MRPS30: variants seen among roughly 807,000 people sequenced by gnomAD.
The protein encoded by MRPS30 is large ribosomal subunit protein mL65.
Under a neutral mutation model 43.8 loss-of-function variants are expected in MRPS30, and 42 were observed. The observed-to-expected ratio is 0.96, with a 90% CI of 0.75 to 1.24. The LOEUF (loss-of-function observed/expected upper bound fraction) is 1.24. MRPS30 is among the 50% of genes most tolerant of loss of function. MRPS30 has a pLI of 0.00. For missense variants in MRPS30, 638 were observed against 570.0 expected (o/e 1.12, Z -1.22); for synonymous variants, 273 against 228.2 (o/e 1.20, Z -1.77).
intron 1 of MRPS30, 89 bp downstream of exon 1, chr5:44,809,652 TTCTC>T: frequency 7.5e-7 from 1 of 1,336,648 alleles, no homozygotes; most frequent in Non-Finnish European, 1.0e-6. Context: ...CGTCATTTCT[TTCTC>T]TCTGCTTCGT....
chr5:44,811,266 TTCAAGTTTCCTTTTTGAAGACA>T (rs1742836246), intron 2 of MRPS30, 112 bp downstream of exon 2: 1 of 1,288,352 alleles, frequency 7.8e-7, no homozygotes. Flanking sequence ...TCTCTTGCCT[TTCAAGTTTCCTTTTTGAAGACA>T]TCACCTCTCA....
Position 44,809,531 on chromosome 5 carries a change from C to T in MRPS30, c.569C>T (p.Pro190Leu). Residue 190 changes from proline (P) to leucine (L), a missense_variant, in exon 1 of 5, where the codon CCA becomes CTA. Pro to Leu is a moderately conservative substitution (Grantham distance 98). Coordinates refer to ENST00000507110, the MANE Select transcript of MRPS30 (RefSeq NM_016640.4). ...LVSTLVGLLS[P>L]HNPALAAAAL... ...TCAACCCTCGTGGGCCTCCTCAGCC[C>T]ACACAACCCGGCCCTGGCCGCTGCC... The T allele has an allele frequency of 6.2e-7, 1 of 1,609,206 alleles. No individual in the cohort carries two copies. Among genetic ancestry groups the T allele is most frequent in the Non-Finnish European group, 8.5e-7 (1 of 1,177,798 alleles).
intron 4 of MRPS30, among the ~76,000 whole-genome samples, chr5:44,814,673 G>A (rs1162180918): frequency 6.6e-6 from 1 of 152,142 alleles, no homozygotes; most frequent in East Asian, 1.9e-4. Flanking sequence ...GACTGATGTT[G>A]TTGAAAAAGA....
chr5:44,814,003 A>G (rs1178297554), intron 4 of MRPS30, among the ~76,000 whole-genome samples: 1 of 152,192 alleles, frequency 6.6e-6, no homozygotes, highest in East Asian at 1.9e-4. Context: ...GGAGCTGCCT[A>G]TGCACAAATC....
Position 44,809,290 on chromosome 5 carries a change from A to T in MRPS30, c.328A>T (p.Thr110Ser), listed in dbSNP as rs746806510. 1.9e-6 allele frequency: 3 copies of T among 1,613,158 alleles called. No homozygotes were observed. Among genetic ancestry groups the T allele is most frequent in the Non-Finnish European group, 2.5e-6 (3 of 1,179,806 alleles). The change falls in exon 1 of 5, where the codon ACC (threonine) becomes TCC (serine). Residue 110 changes from threonine (T) to serine (S), a missense_variant. Thr to Ser is a moderately conservative substitution (Grantham distance 58). Coordinates refer to ENST00000507110, the MANE Select transcript of MRPS30 (RefSeq NM_016640.4). ...LNADRWYQYF[T>S]KTVFLSGLPP... ...TGCCGACCGCTGGTACCAGTACTTC[A>T]CCAAGACCGTGTTCCTGTCGGGTCT...
rs1158480426 is a variant in MRPS30, at chr5:44,811,921, C to T, written c.754C>T (p.Pro252Ser). The T allele has an allele frequency of 2.6e-6, 4 of 1,535,988 alleles. No individual in the cohort carries two copies. The highest frequency in any genetic ancestry group is 1.4e-5 in the African/African-American group (1 of 71,068). The change falls in exon 3 of 5, where the codon CCA becomes TCA. Residue 252 changes from proline (P) to serine (S), a missense_variant. Physicochemically the swap from Pro to Ser is moderately conservative, Grantham distance 74. Coordinates refer to ENST00000507110, the MANE Select transcript of MRPS30 (RefSeq NM_016640.4). ...TCTTTTCTTTTTCTTTAAGTTTGTG[C>T]CATTGGATTATTCTGTTCCTATAGA... ...RISKQLAEFVPLDYSVPIEIP... is the reference protein window; with the variant it reads ...RISKQLAEFVSLDYSVPIEIP...
intron 2 of MRPS30, among the ~76,000 whole-genome samples, chr5:44,811,594 A>G (rs1364134599): frequency 6.6e-6 from 1 of 152,186 alleles, no homozygotes; most frequent in East Asian, 1.9e-4. Flanking sequence ...TCAGGGGTTG[A>G]CACACTTTTT....
intron 1 of MRPS30, chr5:44,809,930 A>C (rs1022144135): frequency 4.1e-6 from 1 of 241,818 alleles, no homozygotes; most frequent in African/African-American, 2.2e-5. Flanking sequence ...TCCACCACAA[A>C]GCTGTGTGAC....
chr5:44,810,325 T>C (rs1343359113), intron 1 of MRPS30, among the ~76,000 whole-genome samples: 1 of 152,200 alleles, frequency 6.6e-6, no homozygotes, highest in African/African-American at 2.4e-5. Flanking sequence ...CCATTCCAAG[T>C]TCCTAGTAAA....
rs1742903381 is a variant in MRPS30 at position 44,815,336 on chromosome 5, A to G, written c.*134A>G. 2 of 800,930 alleles carry G rather than the reference A, an allele frequency of 2.5e-6. No individual in the cohort carries two copies. The highest frequency in any genetic ancestry group is 3.5e-5 in the African/African-American group (2 of 57,570). 49.6% of individuals were successfully genotyped at this position (800,930 alleles called of 1,614,324 possible). ...ATATTTCTTATGTCAACCTGTTATT[A>G]GATCTCTTACTCTGCTCAAATTCAT... is the stretch of plus-strand genomic sequence containing the variant. On this transcript the variant is annotated 3_prime_UTR_variant, in exon 5 of 5. Coordinates refer to ENST00000507110, the MANE Select transcript of MRPS30 (RefSeq NM_016640.4).
At position 44,809,144 on chromosome 5, in the gene MRPS30, G is replaced by A. The variant is rs1245459596; in HGVS notation, c.182G>A (p.Arg61Gln). Residue 61 changes from arginine (R) to glutamine (Q), a missense_variant, in exon 1 of 5, where the codon CGG becomes CAG. Arg to Gln is a conservative substitution (Grantham distance 43). Transcript: ENST00000507110. ...GCCGACAGCAAAGCTGCACGGCTGC[G>A]GCGGATCGAGCGCTGGCAGGCGACG... ...MTADSKAARL[R>Q]RIERWQATVH... 1 of 1,611,708 alleles carries A rather than the reference G, an allele frequency of 6.2e-7. No individual in the cohort carries two copies. The highest frequency in any genetic ancestry group is 8.5e-7 in the Non-Finnish European group (1 of 1,179,454).
At chr5:44,811,281 T>A in intron 2 of MRPS30, 127 bp downstream of exon 2, 1 of 1,081,800 alleles carries the variant, frequency 9.2e-7, no homozygotes, top group Non-Finnish European at 1.3e-6. Context: ...GTTTCCTTTT[T>A]GAAGACATCA....
At chr5:44,812,979 C>T (rs1742866697) in intron 3 of MRPS30, 127 bp from the exon 4 acceptor site, 2 of 741,748 alleles carry the variant, frequency 2.7e-6, no homozygotes, top group South Asian at 2.0e-5. Flanking sequence ...AATATTCCTA[C>T]TTATGTATTT....
At position 44,814,966 on chromosome 5, in the gene MRPS30, A is replaced by C; in HGVS notation, c.1084A>C (p.Thr362Pro). The C allele has an allele frequency of 6.2e-7, 1 of 1,613,872 alleles. No individual in the cohort carries two copies. The highest frequency in any genetic ancestry group is 8.5e-7 in the Non-Finnish European group (1 of 1,179,822). ...TRPFVSQAVI[T>P]DGKYFSFFCY... ...ACCTTTTGTCTCCCAGGCTGTGATC[A>C]CAGATGGAAAATACTTTTCCTTTTT... is the stretch of plus-strand genomic sequence containing the variant. Residue 362 changes from threonine to proline, a missense_variant, in exon 5 of 5, where the codon ACA (threonine) becomes CCA (proline). Physicochemically the swap from Thr to Pro is conservative, Grantham distance 38 (BLOSUM62 -1). Coordinates refer to ENST00000507110, the MANE Select transcript of MRPS30 (RefSeq NM_016640.4).
chr5:44,813,100 C>G lies in MRPS30; in HGVS notation c.854-6C>G. ...TCATCTGAAATGTTTTTATTTTGCT[C>G]TTCAGGCTCAAAAACTGCAGATCCT... On this transcript the variant is annotated splice_region_variant and splice_polypyrimidine_tract_variant and intron_variant, in intron 3 of 4. Coordinates refer to ENST00000507110, the MANE Select transcript of MRPS30 (RefSeq NM_016640.4). 1 of 1,609,632 alleles carries G rather than the reference C, an allele frequency of 6.2e-7. No homozygotes were observed. The highest frequency in any genetic ancestry group is 1.1e-5 in the South Asian group (1 of 89,760).
At chr5:44,814,169 C>T (rs1487149036) in intron 4 of MRPS30, among the ~76,000 whole-genome samples, 1 of 152,120 alleles carries the variant, frequency 6.6e-6, no homozygotes, top group East Asian at 1.9e-4. Context: ...CTATATCTTC[C>T]AGGACTATTA....
chr5:44,813,881 A>G (rs1454316449), intron 4 of MRPS30, among the ~76,000 whole-genome samples: 1 of 152,188 alleles, frequency 6.6e-6, no homozygotes, highest in African/African-American at 2.4e-5. Flanking sequence ...CCTAAAGAGT[A>G]GAATGATTTA....
At position 44,815,208 on chromosome 5, in the gene MRPS30, C is replaced by G. The variant is rs561350110; in HGVS notation, c.*6C>G. The G allele has an allele frequency of 1.4e-5, 22 of 1,569,194 alleles. No homozygotes were observed. The highest frequency in any genetic ancestry group is 1.9e-5 in the Admixed American group (1 of 52,574). ...CACAGCTGTTGGAAAACTGAAAAAG[C>G]ATATTTGATTGAGAACTGTGGGAAT... On this transcript the variant is annotated 3_prime_UTR_variant, in exon 5 of 5. Transcript: ENST00000507110.
chr5:44,814,768 G>A, intron 4 of MRPS30, 145 bp from the exon 5 acceptor site: 1 of 709,356 alleles, frequency 1.4e-6, no homozygotes, highest in African/African-American at 1.8e-5. Flanking sequence ...GAGATGATAA[G>A]GAAACTTTGA....
Sources: gnomAD v4.1 joint callset for allele counts (sites outside exome capture counted in the v4.1 genomes callset) on GRCh38, gnomAD v4.1.1 for gene constraint, MANE v1.5 for transcripts, NCBI Gene and HGNC (gene_info 2026-07-23, HGNC 2026-07-21) for gene names.